ZNF423: variants seen among roughly 807,000 people sequenced by gnomAD.
The protein encoded by ZNF423 is Ebf-associated zinc finger protein.
ZNF423 carries 12 observed loss-of-function variants against 95.8 expected under a neutral mutation model. The ratio of observed to expected loss-of-function variants is 0.13; its 90% CI spans 0.08 to 0.20. ZNF423 has a LOEUF of 0.20. Ranked by LOEUF, ZNF423 falls within the 10% of genes least tolerant of loss-of-function variation. ZNF423 has a pLI of 1.00. For missense variants in ZNF423, 1,316 were observed against 1,737.1 expected, an observed-to-expected ratio of 0.76 and a Z score of 4.31; for synonymous variants, 749 against 711.9, an observed-to-expected ratio of 1.05 and a Z score of -0.83.
chr16:49,495,790 C>T (rs1967145570), intron 7 of ZNF423, among the ~76,000 whole-genome samples: 1 of 152,150 alleles, frequency 6.6e-6, no homozygotes, highest in East Asian at 1.9e-4. Context: ...CACCTCCATG[C>T]CCAACACAGT....
rs199706059 is a variant in ZNF423, at chr16:49,525,319, G to A, written c.3733+44C>T. The A allele has an allele frequency of 2.0e-3, 3,144 of 1,608,432 alleles. 80 individuals carry two copies. The South Asian group carries it at 0.031, about 16-fold the overall frequency. ...CCCGCAATAACAGGGCAGGGCTCCT[G>A]TGTTCATCTCTCTCCCCTGAGGGGC... On this transcript the variant is annotated intron_variant, in intron 6 of 7. Coordinates refer to ENST00000563137, the MANE Select transcript of ZNF423 (RefSeq NM_001379286.1).
At chr16:49,498,074 C>T (rs1967235106) in intron 7 of ZNF423, among the ~76,000 whole-genome samples, 1 of 152,154 alleles carries the variant, frequency 6.6e-6, no homozygotes, top group Admixed American at 6.5e-5. Context: ...GCAGAGTGAA[C>T]CCCTGGACAA....
intron 2 of ZNF423, among the ~76,000 whole-genome samples, chr16:49,773,807 C>T (rs370351536): frequency 7.9e-5 from 12 of 152,154 alleles, no homozygotes; most frequent in African/African-American, 1.7e-4. Context: ...GGTCAAAGTG[C>T]GCCCGCAAGG....
chr16:49,539,377 C>A (rs972219451), intron 5 of ZNF423, among the ~76,000 whole-genome samples: 6 of 152,176 alleles, frequency 3.9e-5, no homozygotes, highest in African/African-American at 1.4e-4. Flanking sequence ...GCTGGACATA[C>A]CCCCTCATTT....
intron 1 of ZNF423, among the ~76,000 whole-genome samples, chr16:49,827,256 A>T (rs1285716973): frequency 6.6e-6 from 1 of 151,996 alleles, no homozygotes; most frequent in Admixed American, 6.6e-5. Context: ...CCCCCGCCTC[A>T]TCCCTCCTCA....
At chr16:49,697,854 C>A (rs1236062377) in intron 3 of ZNF423, among the ~76,000 whole-genome samples, 1 of 152,252 alleles carries the variant, frequency 6.6e-6, no homozygotes, top group Non-Finnish European at 1.5e-5. Context: ...TGCGAATCAG[C>A]CTTAACCAGC....
At chr16:49,608,261 T>C (rs1278570477) in intron 5 of ZNF423, among the ~76,000 whole-genome samples, 1 of 152,198 alleles carries the variant, frequency 6.6e-6, no homozygotes, top group Non-Finnish European at 1.5e-5. Flanking sequence ...CAACGTTTAC[T>C]GCTAGGCTTG....
chr16:49,680,777 A>C (rs2031319214), intron 3 of ZNF423, among the ~76,000 whole-genome samples: 2 of 152,212 alleles, frequency 1.3e-5, no homozygotes, highest in Admixed American at 6.5e-5. Context: ...CACCCTTGGC[A>C]GGTATGGGAT....
chr16:49,838,553 G>T (rs911909127), intron 1 of ZNF423, among the ~76,000 whole-genome samples: 1 of 152,116 alleles, frequency 6.6e-6, no homozygotes, highest in Non-Finnish European at 1.5e-5. Flanking sequence ...GGCCCGATCG[G>T]GGTTCCGGTG....
intron 5 of ZNF423, among the ~76,000 whole-genome samples, chr16:49,525,721 C>T (rs1377170308): frequency 6.6e-6 from 1 of 152,092 alleles, no homozygotes. Flanking sequence ...CTTGGAGGTG[C>T]CATTTGCTGT....
Position 49,607,564 on chromosome 16 carries a change from G to A in ZNF423, c.3601+18606C>T, listed in dbSNP as rs553686555. Among the ~76,000 whole-genome samples the A allele has an allele frequency of 1.1e-3, 165 of 152,220 alleles. 3 individuals are homozygous for A. The highest frequency in any genetic ancestry group is 3.2e-3 in the African/African-American group (134 of 41,530). ...CTGCAGCTTTAAAAGAGCAGCCCAC[G>A]GAATCCTCTTCCCAAAGTGAAAGGG... On this transcript the variant is annotated intron_variant, in intron 5 of 7. Coordinates refer to ENST00000563137, the MANE Select transcript of ZNF423 (RefSeq NM_001379286.1).
chr16:49,634,622 T>C (rs1307688520), intron 4 of ZNF423, among the ~76,000 whole-genome samples: 1 of 152,072 alleles, frequency 6.6e-6, no homozygotes, highest in Non-Finnish European at 1.5e-5. Flanking sequence ...AGATGGCCCT[T>C]CCCCAAATCC....
At chr16:49,552,918 C>T (rs1431107463) in intron 5 of ZNF423, among the ~76,000 whole-genome samples, 1 of 151,994 alleles carries the variant, frequency 6.6e-6, no homozygotes, top group African/African-American at 2.4e-5. Context: ...CACCTGGACC[C>T]GCTCTACCCT....
chr16:49,855,174 G>GCCGACA lies in ZNF423; in HGVS notation c.40+560_40+561insTGTCGG, dbSNP rs2035347259. On this transcript the variant is annotated intron_variant, in intron 1 of 7. Coordinates refer to ENST00000563137, the MANE Select transcript of ZNF423 (RefSeq NM_001379286.1). This position sits in a 1 kb window ranked among gnomAD's most constrained non-coding sequence, Gnocchi z 4.7. Reference sequence around the variant, plus strand: ...CGCCAGGCGGCCGGGGCGAGGGCGCGGCGCCCGGGGCGCTCGCCGACAGCG... The same window carrying GCCGACA: ...CGCCAGGCGGCCGGGGCGAGGGCGCGCCGACAGCGCCCGGGGCGCTCGCCGACAGCG... 2.0e-5 allele frequency among the ~76,000 whole-genome samples: 3 copies of GCCGACA among 148,434 alleles called. No homozygotes were observed. The highest frequency in any genetic ancestry group is 2.0e-4 in the Admixed American group (3 of 14,890).
At chr16:49,595,532 T>C (rs1460813661) in intron 5 of ZNF423, among the ~76,000 whole-genome samples, 1 of 152,198 alleles carries the variant, frequency 6.6e-6, no homozygotes, top group Non-Finnish European at 1.5e-5. Context: ...CAGGTAAGAA[T>C]TCTATTTTAA....
intron 5 of ZNF423, among the ~76,000 whole-genome samples, chr16:49,527,586 C>A (rs919824888): frequency 3.9e-5 from 6 of 152,034 alleles, no homozygotes; most frequent in Non-Finnish European, 7.4e-5. Flanking sequence ...GAGGACACCC[C>A]GTGGACATTA....
chr16:49,677,277 A>AGAAGAGAAGGGAAGG (rs2031116303), intron 3 of ZNF423, among the ~76,000 whole-genome samples: 3 of 77,544 alleles, frequency 3.9e-5, no homozygotes, highest in Admixed American at 1.4e-4. Context: ...AGAAGAGAAG[A>AGAAGAGAAGGGAAGG]GAAGAGAAGA....
rs1386788645 is a variant in ZNF423, at chr16:49,673,997, G to GA, written c.302-35124dup. Among the ~76,000 whole-genome samples the GA allele has an allele frequency of 4.6e-5, 7 of 152,176 alleles. No homozygotes were observed. The South Asian group carries it at 1.0e-3, about 23-fold the overall frequency. The stretch of plus-strand genomic sequence containing the variant: ...GCCTGCTGCTGGGTCTTAATTTATA[G>GA]AAAAAAATATAAAAGGCCATGGAGC... On this transcript the variant is annotated intron_variant, in intron 3 of 7. Transcript: ENST00000563137.
chr16:49,761,735 A>C (rs1289902764), intron 2 of ZNF423, among the ~76,000 whole-genome samples: 2 of 152,210 alleles, frequency 1.3e-5, no homozygotes, highest in African/African-American at 4.8e-5. Context: ...CTAATTCTGA[A>C]TACTATTGAC....
Sources: allele counts gnomAD v4.1 joint callset (sites outside exome capture counted in the v4.1 genomes callset), GRCh38; gene constraint gnomAD v4.1.1; non-coding constraint Gnocchi (gnomAD v3.1); transcripts MANE v1.5; gene names NCBI Gene and HGNC (gene_info 2026-07-23, HGNC 2026-07-21).